Variants in PALM2AKAP2 observed in about 807,000 individuals in gnomAD.
PALM2AKAP2 encodes PALM2-AKAP2 fusion protein.
Under a neutral mutation model 71.5 loss-of-function variants are expected in PALM2AKAP2, and 37 were observed. That is an observed-to-expected ratio of 0.52 (90% CI 0.40 to 0.68). The LOEUF (loss-of-function observed/expected upper bound fraction) is 0.68. Among genes scored for constraint, PALM2AKAP2 ranks in the 30% least tolerant of loss-of-function variants. The probability of loss-of-function intolerance (pLI) is 0.00; values close to 1 mark genes in which losing one functional copy is unlikely to be tolerated. For synonymous variants in PALM2AKAP2, 468 were observed against 478.8 expected (o/e 0.98, Z 0.29); for missense variants, 1,224 against 1,191.8 (o/e 1.03, Z -0.40).
intron 1 of PALM2AKAP2, among the ~76,000 whole-genome samples, chr9:110,105,801 C>T (rs1050331106): frequency 1.3e-5 from 2 of 152,144 alleles, no homozygotes; most frequent in Non-Finnish European, 2.9e-5. Context: ...TTACAAGTAT[C>T]CTTTTAGACT....
At chr9:110,020,080 G>A (rs1414523180) in intron 7 of PALM2AKAP2, among the ~76,000 whole-genome samples, 1 of 151,864 alleles carries the variant, frequency 6.6e-6, no homozygotes, top group Admixed American at 6.6e-5. Context: ...ATATATCCTT[G>A]CAATATCAGC....
chr9:110,161,801 A>G (rs1836606110), intron 3 of PALM2AKAP2, among the ~76,000 whole-genome samples: 2 of 152,080 alleles, frequency 1.3e-5, no homozygotes, highest in Non-Finnish European at 2.9e-5. Flanking sequence ...TACAGAGGGG[A>G]AGGAATCTTG....
chr9:110,043,682 T>C (rs1833543473), intron 7 of PALM2AKAP2, among the ~76,000 whole-genome samples: 1 of 151,764 alleles, frequency 6.6e-6, no homozygotes, highest in Non-Finnish European at 1.5e-5. Flanking sequence ...GGGTCATTTT[T>C]ACTTATTTAT....
At chr9:110,014,800 AAAAATG>A (rs1372388467) in intron 6 of PALM2AKAP2, among the ~76,000 whole-genome samples, 26 of 51,708 alleles carry the variant, frequency 5.0e-4, no homozygotes, top group South Asian at 3.9e-3. Context: ...AAAAAAAAAA[AAAAATG>A]TATATATATA....
intron 1 of PALM2AKAP2, among the ~76,000 whole-genome samples, chr9:110,049,505 T>C (rs1833667396): frequency 6.6e-6 from 1 of 151,850 alleles, no homozygotes; most frequent in African/African-American, 2.4e-5. Context: ...GCGGTCCGGG[T>C]CCGAGCTGAG....
intron 1 of PALM2AKAP2, among the ~76,000 whole-genome samples, chr9:109,843,301 C>CAAAAAAAA (rs35634219): frequency 7.5e-5 from 5 of 66,946 alleles, no homozygotes; most frequent in East Asian, 4.7e-4. Flanking sequence ...GCCCCTGTCT[C>CAAAAAAAA]AAAAAAAAAA....
intron 1 of PALM2AKAP2, among the ~76,000 whole-genome samples, chr9:109,662,439 C>G (rs1348281060): frequency 6.6e-6 from 1 of 152,110 alleles, no homozygotes. Context: ...TGGTTTTTGT[C>G]TTTGGTTCTG....
At chr9:110,018,166 G>A (rs1429658465) in intron 7 of PALM2AKAP2, among the ~76,000 whole-genome samples, 3 of 152,044 alleles carry the variant, frequency 2.0e-5, no homozygotes, top group African/African-American at 7.2e-5. Flanking sequence ...CATCATTCTC[G>A]ATCTCCGTTT....
intron 6 of PALM2AKAP2, among the ~76,000 whole-genome samples, chr9:109,972,998 G>C (rs769230614): frequency 1.1e-3 from 169 of 152,202 alleles, no homozygotes; most frequent in Non-Finnish European, 1.6e-3. Flanking sequence ...AAAAGACTCA[G>C]TTAATATAGG....
intron 1 of PALM2AKAP2, among the ~76,000 whole-genome samples, chr9:109,691,833 GATATATATATATAT>G (rs1185965530): frequency 7.2e-4 from 26 of 36,040 alleles, no homozygotes; most frequent in African/African-American, 1.6e-3. Context: ...CCAGAAAGAC[GATATATATATATAT>G]ATATATATAT....
intron 6 of PALM2AKAP2, among the ~76,000 whole-genome samples, chr9:109,968,641 AC>A (rs1462376005): frequency 6.6e-6 from 1 of 152,094 alleles, no homozygotes; most frequent in Non-Finnish European, 1.5e-5. Context: ...AGCATCTACC[AC>A]TTGTACCCAG....
rs114861534 is a variant in PALM2AKAP2, at chr9:110,137,150, C to T, written c.1180C>T (p.Arg394Cys). 2,786 of 1,613,594 alleles carry T rather than the reference C, an allele frequency of 1.7e-3. 39 individuals are homozygous for T. The African/African-American group carries it at 0.03, about 17-fold the overall frequency. ...CACAGCCCCTGCCTCTTCTCATGAA[C>T]GCGCAAGCATGATTGACAAAGCAAA... Residue 394 changes from arginine to cysteine, a missense_variant, in exon 2 of 4, where the codon CGC becomes TGC. Arg to Cys is a radical substitution (Grantham distance 180). Transcript: ENST00000374525.
chr9:110,132,354 G>A (rs940708357), intron 1 of PALM2AKAP2, among the ~76,000 whole-genome samples: 1 of 151,362 alleles, frequency 6.6e-6, no homozygotes, highest in African/African-American at 2.4e-5. Flanking sequence ...GCCACCGTGC[G>A]GGCTTCTTTT....
chr9:109,720,643 G>T (rs959292361), intron 1 of PALM2AKAP2, among the ~76,000 whole-genome samples: 1 of 152,132 alleles, frequency 6.6e-6, no homozygotes, highest in Non-Finnish European at 1.5e-5. Flanking sequence ...AATCTATAGG[G>T]TTCATTTACA....
chr9:109,941,643 T>C (rs1360382970), intron 6 of PALM2AKAP2, among the ~76,000 whole-genome samples: 1 of 152,226 alleles, frequency 6.6e-6, no homozygotes, highest in Non-Finnish European at 1.5e-5. Context: ...GGTGGCTCTA[T>C]GGGCCTGATG....
At position 110,131,757 on chromosome 9, in the gene PALM2AKAP2, G is replaced by A. The variant is rs1835739798; in HGVS notation, c.157-4370G>A. On this transcript the variant is annotated intron_variant, in intron 1 of 3. Transcript: ENST00000374525. ...ACCTCAGGACCTCTGGTGCATGATT[G>A]TGAATCAGTAATTCAGAGTTGTTTA... 2.0e-5 allele frequency among the ~76,000 whole-genome samples: 3 copies of A among 152,210 alleles called. No homozygotes were observed. In the South Asian group the frequency reaches 6.2e-4, roughly 31 times the overall value.
In PALM2AKAP2 at chr9:110,065,951, A is replaced by G. The variant is rs192285601; in HGVS notation, c.156+17096A>G. On this transcript the variant is annotated intron_variant, in intron 1 of 3. Transcript: ENST00000374525. ...TATGCCACATTTTGTATATCCATTC[A>G]TTCATTCGATACTTGGGTTGCTTCC... 2.2e-3 allele frequency among the ~76,000 whole-genome samples: 342 copies of G among 152,310 alleles called. 1 individual carries two copies. The highest frequency in any genetic ancestry group is 8.1e-3 in the African/African-American group (336 of 41,578).
intron 1 of PALM2AKAP2, among the ~76,000 whole-genome samples, chr9:109,712,388 C>T (rs983107495): frequency 1.3e-5 from 2 of 152,168 alleles, no homozygotes; most frequent in African/African-American, 4.8e-5. Context: ...TGCAAGGAGG[C>T]TCTTTTATCT....
At chr9:109,720,899 GC>G (rs1449234635) in intron 1 of PALM2AKAP2, among the ~76,000 whole-genome samples, 1 of 152,160 alleles carries the variant, frequency 6.6e-6, no homozygotes, top group Non-Finnish European at 1.5e-5. Flanking sequence ...AGAGCAGTAA[GC>G]CAAACAGGTT....
Sources: gnomAD v4.1 joint callset for allele counts (sites outside exome capture counted in the v4.1 genomes callset) on GRCh38, gnomAD v4.1.1 for gene constraint, MANE v1.5 for transcripts, NCBI Gene and HGNC (gene_info 2026-07-23, HGNC 2026-07-21) for gene names.